Variants in ACTL8 observed in about 807,000 individuals in gnomAD.
ACTL8 encodes the protein actin like 8.
Under a neutral mutation model 9.3 loss-of-function variants are expected in ACTL8, and 3 were observed. That is an observed-to-expected ratio of 0.32 (90% confidence interval 0.15 to 0.83). The LOEUF (loss-of-function observed/expected upper bound fraction) is 0.83. Among genes scored for constraint, ACTL8 ranks in the 40% least tolerant of loss-of-function variants. ACTL8 has a pLI of 0.57. For synonymous variants in ACTL8, 224 were observed against 205.9 expected (o/e 1.09, Z -0.75); for missense variants, 381 against 492.2 (o/e 0.77, Z 2.14).
At position 17,787,651 on chromosome 1, in the gene ACTL8, G is replaced by A. The variant is rs146535220; in HGVS notation, c.-25+32147G>A. On this transcript the variant is annotated intron_variant, in intron 1 of 2. Coordinates refer to ENST00000375406, the MANE Select transcript of ACTL8 (RefSeq NM_030812.3). ...TTCAACTGACCATTCCCTATTGATG[G>A]GTATTTGTTTCATTTCTCATTTTTT... Among the ~76,000 whole-genome samples, 451 of 150,348 alleles carry A rather than the reference G, an allele frequency of 3.0e-3. 3 individuals carry two copies. The highest frequency in any genetic ancestry group is 0.011 in the African/African-American group (439 of 40,898).
chr1:17,801,130 C>T (rs1362344254), intron 1 of ACTL8, among the ~76,000 whole-genome samples: 1 of 152,188 alleles, frequency 6.6e-6, no homozygotes, highest in African/African-American at 2.4e-5. Flanking sequence ...GCTCTGTGTG[C>T]CAGACTGTGT....
chr1:17,808,825 A>AG (rs1213146626), intron 1 of ACTL8, among the ~76,000 whole-genome samples: 3 of 152,176 alleles, frequency 2.0e-5, no homozygotes, highest in Non-Finnish European at 4.4e-5. Context: ...GAGGAGATGT[A>AG]GAAAGGACGG....
chr1:17,785,984 C>T (rs895880701), intron 1 of ACTL8, among the ~76,000 whole-genome samples: 1 of 152,156 alleles, frequency 6.6e-6, no homozygotes, highest in Non-Finnish European at 1.5e-5. Context: ...GGATTGCTGG[C>T]AGGATTCATT....
rs755944652 is a variant in ACTL8 at position 17,785,673 on chromosome 1, G to C, written c.-25+30169G>C. On this transcript the variant is annotated intron_variant, in intron 1 of 2. Transcript: ENST00000375406. ...GATAGTTGTTAGCTAGTTTATATCT[G>C]CTATTCTTCATCTCAATCTTCACTT... 5.3e-5 allele frequency among the ~76,000 whole-genome samples: 8 copies of C among 152,038 alleles called. 1 individual carries two copies. Among genetic ancestry groups the C allele is most frequent in the African/African-American group, 1.9e-4 (8 of 41,384 alleles).
chr1:17,802,424 CGT>C (rs72387933), intron 1 of ACTL8, among the ~76,000 whole-genome samples: 21,972 of 146,070 alleles, frequency 0.15, 1,808 homozygotes, highest in East Asian at 0.31. Flanking sequence ...ACTGTGCGTG[CGT>C]GTGTGTGTGT....
At chr1:17,802,052 T>G (rs1016608621) in intron 1 of ACTL8, among the ~76,000 whole-genome samples, 1 of 152,196 alleles carries the variant, frequency 6.6e-6, no homozygotes, top group Admixed American at 6.5e-5. Context: ...ATGAGGAGCA[T>G]GAAGAGAAAC....
intron 1 of ACTL8, among the ~76,000 whole-genome samples, chr1:17,776,369 C>A (rs2066118021): frequency 6.6e-6 from 1 of 152,176 alleles, no homozygotes; most frequent in Non-Finnish European, 1.5e-5. Context: ...TGCTCGGTGC[C>A]TGGAGCTGAT....
At chr1:17,803,216 C>T (rs1006919616) in intron 1 of ACTL8, among the ~76,000 whole-genome samples, 3 of 150,828 alleles carry the variant, frequency 2.0e-5, no homozygotes, top group East Asian at 2.0e-4. Flanking sequence ...CCCTTTTGCT[C>T]GGCACTTCTC....
chr1:17,824,007 G>A (rs2053687731), intron 2 of ACTL8, among the ~76,000 whole-genome samples: 1 of 152,216 alleles, frequency 6.6e-6, no homozygotes. Context: ...AGGTAGTGAT[G>A]AGTTCTAGAA....
Position 17,825,808 on chromosome 1 carries a change from C to T in ACTL8, c.390C>T (p.Ala130=), listed in dbSNP as rs767499022. The part of the protein sequence containing the change: ...ELLHVPSVLL[A]DQLQMSLYAS... ...TGCATGTCCCATCGGTCCTCCTGGCCGACCAGCTGCAGATGTCCCTGTATG... is the reference window on the plus strand; with the variant it reads ...TGCATGTCCCATCGGTCCTCCTGGCTGACCAGCTGCAGATGTCCCTGTATG... The change falls in exon 3 of 3, where the codon GCC becomes GCT. Residue 130 remains alanine (A), a synonymous_variant. Transcript: ENST00000375406. 11 of 1,613,960 alleles carry T rather than the reference C, an allele frequency of 6.8e-6. No individual in the cohort carries two copies. The highest frequency in any genetic ancestry group is 4.0e-5 in the African/African-American group (3 of 75,064).
intron 2 of ACTL8, among the ~76,000 whole-genome samples, chr1:17,825,486 C>G (rs2053707298): frequency 6.6e-6 from 1 of 152,154 alleles, no homozygotes. Flanking sequence ...AGCCAGTGTC[C>G]CAGAACCATT....
At chr1:17,803,626 T>C (rs1045505425) in intron 1 of ACTL8, among the ~76,000 whole-genome samples, 7 of 152,198 alleles carry the variant, frequency 4.6e-5, no homozygotes, top group Non-Finnish European at 1.5e-5. Flanking sequence ...CCACTGTGCC[T>C]GGGCCTTGGA....
At chr1:17,783,281 T>C (rs2066169548) in intron 1 of ACTL8, among the ~76,000 whole-genome samples, 1 of 152,140 alleles carries the variant, frequency 6.6e-6, no homozygotes, top group African/African-American at 2.4e-5. Context: ...TTTCCCATGC[T>C]GTTCCCGTGA....
chr1:17,776,158 G>C (rs531256033), intron 1 of ACTL8, among the ~76,000 whole-genome samples: 1 of 152,288 alleles, frequency 6.6e-6, no homozygotes, highest in African/African-American at 2.4e-5. Context: ...GGAAGCTTTA[G>C]AGCAGTGGTC....
chr1:17,770,063 G>C (rs141872212), intron 1 of ACTL8, among the ~76,000 whole-genome samples: 102 of 152,280 alleles, frequency 6.7e-4, no homozygotes, highest in African/African-American at 2.4e-3. Flanking sequence ...TGTATTTATT[G>C]ATGAGGTCTG....
chr1:17,779,665 A>T (rs990785382), intron 1 of ACTL8, among the ~76,000 whole-genome samples: 1 of 151,980 alleles, frequency 6.6e-6, no homozygotes, highest in East Asian at 1.9e-4. Context: ...GGTTGCTTTC[A>T]TCTATGGCTC....
chr1:17,787,801 G>A (rs1233813292), intron 1 of ACTL8, among the ~76,000 whole-genome samples: 1 of 152,108 alleles, frequency 6.6e-6, no homozygotes, highest in East Asian at 1.9e-4. Context: ...AGGTTTGTGT[G>A]CTGTTAATTT....
chr1:17,825,679 C>G (rs1399639933), intron 2 of ACTL8, 88 bp from the exon 3 acceptor site: 1 of 1,504,846 alleles, frequency 6.6e-7, no homozygotes, highest in Non-Finnish European at 8.9e-7. Context: ...CGAGAGTCCC[C>G]CCGAGGATGG....
chr1:17,822,935 A>T, intron 1 of ACTL8, 50 bp from the exon 2 acceptor site: 4 of 1,311,246 alleles, frequency 3.1e-6, no homozygotes, highest in Non-Finnish European at 4.2e-6. Flanking sequence ...GAAGCTGCTT[A>T]TGGTGGCCTA....
Sources: gnomAD v4.1 joint callset for allele counts (sites outside exome capture counted in the v4.1 genomes callset) on GRCh38, gnomAD v4.1.1 for gene constraint, MANE v1.5 for transcripts, NCBI Gene and HGNC (gene_info 2026-07-23, HGNC 2026-07-21) for gene names.